DLGAP2: variants seen among roughly 807,000 people sequenced by gnomAD.
The protein encoded by DLGAP2 is disks large-associated protein 2.
Under a neutral mutation model 100.3 loss-of-function variants are expected in DLGAP2, and 26 were observed. The observed-to-expected ratio is 0.26, with a 90% CI of 0.19 to 0.36. DLGAP2 has a LOEUF of 0.36. DLGAP2 is among the 10% of genes least tolerant of loss of function. DLGAP2 has a pLI of 1.00. For missense variants in DLGAP2, 1,858 were observed against 1,453.2 expected, an observed-to-expected ratio of 1.28 and a Z score of -4.53; for synonymous variants, 886 against 630.1, an observed-to-expected ratio of 1.41 and a Z score of -6.08.
At chr8:1,638,059 G>A (rs1797810396) in intron 8 of DLGAP2, among the ~76,000 whole-genome samples, 1 of 152,178 alleles carries the variant, frequency 6.6e-6, no homozygotes, top group African/African-American at 2.4e-5. Context: ...AGGCTGGAAG[G>A]CAGGACGGAT....
intron 3 of DLGAP2, among the ~76,000 whole-genome samples, chr8:1,492,587 G>T (rs12544819): frequency 6.6e-6 from 1 of 152,094 alleles, no homozygotes; most frequent in Non-Finnish European, 1.5e-5. Flanking sequence ...CGCCTGCGCG[G>T]TGACTCCAAG....
intron 3 of DLGAP2, among the ~76,000 whole-genome samples, chr8:1,455,036 A>T (rs1798267345): frequency 6.6e-6 from 1 of 150,590 alleles, no homozygotes; most frequent in African/African-American, 2.4e-5. Context: ...GGGTCTGGGG[A>T]GGGGGGGATA....
intron 2 of DLGAP2, among the ~76,000 whole-genome samples, chr8:1,037,418 G>A (rs1802163684): frequency 6.6e-6 from 1 of 151,992 alleles, no homozygotes; most frequent in Non-Finnish European, 1.5e-5. Flanking sequence ...GACTGTGAAG[G>A]GGCCTCTCTC....
At chr8:1,362,487 C>T (rs1234895836) in intron 3 of DLGAP2, among the ~76,000 whole-genome samples, 2 of 152,142 alleles carry the variant, frequency 1.3e-5, no homozygotes, top group Non-Finnish European at 2.9e-5. Context: ...GGACACCCGT[C>T]AGTGTCCTCA....
At chr8:1,280,600 G>C (rs1799795988) in intron 3 of DLGAP2, among the ~76,000 whole-genome samples, 2 of 152,232 alleles carry the variant, frequency 1.3e-5, no homozygotes, top group Non-Finnish European at 2.9e-5. Context: ...GTCTTGAGGA[G>C]TAAGGGGAAT....
At chr8:1,540,368 G>T (rs552223170) in intron 4 of DLGAP2, among the ~76,000 whole-genome samples, 2 of 152,298 alleles carry the variant, frequency 1.3e-5, no homozygotes, top group South Asian at 4.2e-4. Context: ...TGTCTACCAC[G>T]GTACCTTGTT....
chr8:1,169,174 C>A (rs906052240), intron 2 of DLGAP2, among the ~76,000 whole-genome samples: 1 of 151,812 alleles, frequency 6.6e-6, no homozygotes, highest in African/African-American at 2.4e-5. Context: ...TAAGGTTTGT[C>A]AAAGATCAGA....
At chr8:1,496,797 C>T (rs755080585) in intron 3 of DLGAP2, among the ~76,000 whole-genome samples, 8 of 152,140 alleles carry the variant, frequency 5.3e-5, no homozygotes, top group Non-Finnish European at 7.4e-5. Flanking sequence ...GCACCGCACA[C>T]GCCATCCGCA....
At chr8:1,634,685 G>A (rs1417907829) in intron 8 of DLGAP2, among the ~76,000 whole-genome samples, 3 of 152,172 alleles carry the variant, frequency 2.0e-5, no homozygotes, top group Admixed American at 1.3e-4. Flanking sequence ...TCTCTTAGGA[G>A]CAAGTAAACA....
intron 2 of DLGAP2, among the ~76,000 whole-genome samples, chr8:1,212,680 T>C (rs1798129999): frequency 6.6e-6 from 1 of 152,046 alleles, no homozygotes; most frequent in African/African-American, 2.4e-5. Context: ...GCAAATGACC[T>C]CACCCTGGGA....
At chr8:874,519 T>A (rs1190615638) in intron 1 of DLGAP2, among the ~76,000 whole-genome samples, 3 of 152,228 alleles carry the variant, frequency 2.0e-5, no homozygotes, top group African/African-American at 7.2e-5. Flanking sequence ...TCCAAAACTT[T>A]TTTCTGTTGT....
intron 2 of DLGAP2, among the ~76,000 whole-genome samples, chr8:1,089,801 G>A (rs767081922): frequency 6.6e-6 from 1 of 152,186 alleles, no homozygotes; most frequent in Non-Finnish European, 1.5e-5. Flanking sequence ...CCATTCTTTC[G>A]CTTTTGTATG....
At chr8:1,360,316 C>T (rs1363212116) in intron 3 of DLGAP2, among the ~76,000 whole-genome samples, 1 of 132,944 alleles carries the variant, frequency 7.5e-6, no homozygotes, top group African/African-American at 2.8e-5. Flanking sequence ...TTCTCCGGGG[C>T]GGGGCTTCTC....
intron 2 of DLGAP2, among the ~76,000 whole-genome samples, chr8:1,155,904 A>G (rs1796774981): frequency 1.3e-5 from 2 of 152,164 alleles, no homozygotes; most frequent in African/African-American, 4.8e-5. Context: ...GGGGGAGGCC[A>G]GTATGCAGAG....
At chr8:1,128,452 G>T (rs1796219494) in intron 2 of DLGAP2, among the ~76,000 whole-genome samples, 1 of 152,238 alleles carries the variant, frequency 6.6e-6, no homozygotes. Flanking sequence ...ATGTTTAGCT[G>T]GGCTTAGATG....
At chr8:1,086,328 G>C (rs753865821) in intron 2 of DLGAP2, among the ~76,000 whole-genome samples, 1 of 152,110 alleles carries the variant, frequency 6.6e-6, no homozygotes, top group Non-Finnish European at 1.5e-5. Context: ...GGGCATTTTT[G>C]TCTTGTTTTG....
chr8:750,464 G>A (rs986585903), intron 1 of DLGAP2, among the ~76,000 whole-genome samples: 1 of 152,048 alleles, frequency 6.6e-6, no homozygotes, highest in Non-Finnish European at 1.5e-5. Flanking sequence ...CAAATATAAG[G>A]GTTTTCCTGA....
At chr8:1,261,538 G>T (rs1370209323) in intron 3 of DLGAP2, among the ~76,000 whole-genome samples, 1 of 135,094 alleles carries the variant, frequency 7.4e-6, no homozygotes. Context: ...AAGTCGGGGG[G>T]CTCTCCAGCC....
chr8:1,322,049 T>C (rs1322578735), intron 3 of DLGAP2, among the ~76,000 whole-genome samples: 1 of 152,198 alleles, frequency 6.6e-6, no homozygotes, highest in Non-Finnish European at 1.5e-5. Flanking sequence ...TTTAATTTTG[T>C]AAGTGAGCCA....
Sources: gnomAD v4.1 joint callset for allele counts (sites outside exome capture counted in the v4.1 genomes callset) on GRCh38, gnomAD v4.1.1 for gene constraint, MANE v1.5 for transcripts, NCBI Gene and HGNC (gene_info 2026-07-23, HGNC 2026-07-21) for gene names.